The following SNX10 variants were observed in gnomAD, a reference collection of about 807,000 sequenced individuals.
SNX10 encodes sorting nexin 10.
A neutral mutation model predicts 28.5 loss-of-function variants in SNX10; 25 were observed. That is an observed-to-expected ratio of 0.88 (90% CI 0.64 to 1.22). SNX10 has a LOEUF of 1.22. Ranked by LOEUF, SNX10 falls within the 50% of genes most tolerant of loss-of-function variation. The pLI is 0.00. For missense variants in SNX10, 223 were observed against 242.6 expected (o/e 0.92, Z 0.54); for synonymous variants, 62 against 81.4 (o/e 0.76, Z 1.28).
intron 1 of SNX10, among the ~76,000 whole-genome samples, chr7:26,295,162 G>T (rs1786061904): frequency 6.6e-6 from 1 of 152,120 alleles, no homozygotes; most frequent in South Asian, 2.1e-4. Context: ...TGCCTCTGGG[G>T]ACAGGGAAAT....
intron 1 of SNX10, among the ~76,000 whole-genome samples, chr7:26,336,845 C>T (rs1261078456): frequency 6.6e-6 from 1 of 152,090 alleles, no homozygotes; most frequent in Non-Finnish European, 1.5e-5. Flanking sequence ...CGCTTATGGA[C>T]GTTTAGGTTT....
chr7:26,343,051 G>A (rs991446230), intron 1 of SNX10, among the ~76,000 whole-genome samples: 1 of 152,020 alleles, frequency 6.6e-6, no homozygotes, highest in African/African-American at 2.4e-5. Context: ...TGATCTGCCC[G>A]CCTCAACCTC....
At chr7:26,313,876 G>A (rs1313128768) in intron 1 of SNX10, among the ~76,000 whole-genome samples, 10 of 151,924 alleles carry the variant, frequency 6.6e-5, no homozygotes, top group African/African-American at 2.4e-4. Flanking sequence ...GCGCGATCTC[G>A]GCTCACTGCA....
chr7:26,348,205 C>G (rs904429033), intron 2 of SNX10, among the ~76,000 whole-genome samples: 3 of 152,178 alleles, frequency 2.0e-5, no homozygotes, highest in Non-Finnish European at 4.4e-5. Context: ...TAGAGGTGAC[C>G]TTCCACAATA....
chr7:26,372,421 C>T, intron 6 of SNX10, 70 bp from the exon 7 acceptor site: 1 of 953,792 alleles, frequency 1.0e-6, no homozygotes, highest in Non-Finnish European at 1.7e-6. Context: ...TCCTCTGTTA[C>T]TCAGGCTTTG....
intron 1 of SNX10, among the ~76,000 whole-genome samples, chr7:26,306,060 A>G (rs1390278670): frequency 1.3e-5 from 2 of 151,298 alleles, no homozygotes; most frequent in Admixed American, 6.6e-5. Flanking sequence ...ACACCTGGCT[A>G]AATTTTTTGT....
intron 1 of SNX10, among the ~76,000 whole-genome samples, chr7:26,316,181 C>CAAA (rs397970319): frequency 1.4e-5 from 1 of 72,218 alleles, no homozygotes; most frequent in African/African-American, 4.0e-5. Flanking sequence ...GAGACTGTCT[C>CAAA]AAAAAAAAAA....
intron 2 of SNX10, among the ~76,000 whole-genome samples, chr7:26,356,459 C>T (rs1019296663): frequency 6.6e-6 from 1 of 152,032 alleles, no homozygotes; most frequent in Non-Finnish European, 1.5e-5. Flanking sequence ...TGAAGGATGG[C>T]GGGCAGTGTC....
chr7:26,361,590 T>C (rs1420187075), intron 3 of SNX10, among the ~76,000 whole-genome samples: 1 of 152,244 alleles, frequency 6.6e-6, no homozygotes, highest in Non-Finnish European at 1.5e-5. Flanking sequence ...TGGATGCTAC[T>C]GTATCACAAT....
At chr7:26,330,169 G>C (rs79394345) in intron 1 of SNX10, among the ~76,000 whole-genome samples, 1 of 152,134 alleles carries the variant, frequency 6.6e-6, no homozygotes, top group African/African-American at 2.4e-5. Context: ...CAAGAGCCCG[G>C]AATGTTAGGG....
At chr7:26,299,842 G>A (rs560624218) in intron 1 of SNX10, among the ~76,000 whole-genome samples, 2 of 152,096 alleles carry the variant, frequency 1.3e-5, no homozygotes, top group Non-Finnish European at 2.9e-5. Context: ...TGGGAGGATT[G>A]CTTGAGCCTG....
intron 1 of SNX10, among the ~76,000 whole-genome samples, chr7:26,327,956 TCTC>T (rs1288888826): frequency 2.0e-5 from 3 of 151,962 alleles, no homozygotes; most frequent in Admixed American, 6.6e-5. Flanking sequence ...ATGGTTCAGA[TCTC>T]CTGACTTCAT....
At chr7:26,353,900 C>T (rs1378220340) in intron 2 of SNX10, among the ~76,000 whole-genome samples, 1 of 152,036 alleles carries the variant, frequency 6.6e-6, no homozygotes, top group East Asian at 1.9e-4. Flanking sequence ...AAAAATGTCC[C>T]AAGAAAAAGA....
intron 1 of SNX10, among the ~76,000 whole-genome samples, chr7:26,310,476 T>G (rs1786783493): frequency 6.6e-6 from 1 of 152,062 alleles, no homozygotes; most frequent in Non-Finnish European, 1.5e-5. Context: ...TGCGACAAAG[T>G]CCGAGGAGAA....
At chr7:26,334,080 A>G (rs187240503) in intron 1 of SNX10, among the ~76,000 whole-genome samples, 2 of 152,336 alleles carry the variant, frequency 1.3e-5, no homozygotes, top group African/African-American at 2.4e-5. Flanking sequence ...ACAAATCACT[A>G]ATTAAAAGAA....
intron 2 of SNX10, among the ~76,000 whole-genome samples, chr7:26,347,265 A>T (rs1788426723): frequency 6.6e-6 from 1 of 152,222 alleles, no homozygotes. Flanking sequence ...CTTTAATTTC[A>T]GCCCTATCTT....
intron 1 of SNX10, among the ~76,000 whole-genome samples, chr7:26,340,014 T>A (rs1010289574): frequency 6.6e-5 from 10 of 152,252 alleles, no homozygotes; most frequent in Admixed American, 3.9e-4. Flanking sequence ...GTTTTTTTTT[T>A]AAATAATGAT....
chr7:26,316,822 C>T (rs10464319), intron 1 of SNX10, among the ~76,000 whole-genome samples: 51,241 of 151,960 alleles, frequency 0.34, 10,677 homozygotes, highest in South Asian at 0.48. Context: ...TATTTTTGGG[C>T]GCTTTTTTTC....
At chr7:26,315,126 A>G (rs1693178969) in intron 1 of SNX10, among the ~76,000 whole-genome samples, 1 of 152,242 alleles carries the variant, frequency 6.6e-6, no homozygotes, top group African/African-American at 2.4e-5. Context: ...AATTTAAACA[A>G]AATGTATTAA....
Sources: gnomAD v4.1 joint callset for allele counts (sites outside exome capture counted in the v4.1 genomes callset) on GRCh38, gnomAD v4.1.1 for gene constraint, MANE v1.5 for transcripts, NCBI Gene and HGNC (gene_info 2026-07-23, HGNC 2026-07-21) for gene names.